Variants in PPP4R2 observed in about 807,000 individuals in gnomAD.
PPP4R2 encodes protein phosphatase 4 regulatory subunit 2, also known as serine/threonine-protein phosphatase 4 regulatory subunit 2.
A neutral mutation model predicts 47.2 loss-of-function variants in PPP4R2; 13 were observed. That is an observed-to-expected ratio of 0.28 (90% CI 0.18 to 0.44). The LOEUF (loss-of-function observed/expected upper bound fraction) is 0.44. Ranked by LOEUF, PPP4R2 falls within the 20% of genes least tolerant of loss-of-function variation. The pLI, the probability that PPP4R2 is intolerant of heterozygous loss-of-function variation, is 1.00. For missense variants in PPP4R2, 421 were observed against 491.2 expected, an observed-to-expected ratio of 0.86 and a Z score of 1.35; for synonymous variants, 151 against 163.3, an observed-to-expected ratio of 0.92 and a Z score of 0.57.
intron 2 of PPP4R2, among the ~76,000 whole-genome samples, chr3:73,021,389 A>T (rs1461574844): frequency 6.6e-6 from 1 of 151,932 alleles, no homozygotes; most frequent in Non-Finnish European, 1.5e-5. Context: ...TTGCAACACC[A>T]TGCCTGGCTA....
At chr3:73,020,681 A>AAAAT (rs1701941893) in intron 2 of PPP4R2, among the ~76,000 whole-genome samples, 1 of 151,704 alleles carries the variant, frequency 6.6e-6, no homozygotes, top group Non-Finnish European at 1.5e-5. Context: ...TTAAAAAAAA[A>AAAAT]AAAAAAAAAA....
intron 2 of PPP4R2, among the ~76,000 whole-genome samples, chr3:73,037,128 T>TC (rs947009697): frequency 3.9e-5 from 6 of 152,062 alleles, no homozygotes; most frequent in African/African-American, 1.5e-4. Context: ...GGATTTTTTT[T>TC]CCCCCTCCAC....
At chr3:73,064,325 A>AGTCT (rs1702937699) in intron 7 of PPP4R2, among the ~76,000 whole-genome samples, 179 bp downstream of exon 7, 2 of 152,210 alleles carry the variant, frequency 1.3e-5, no homozygotes, top group Non-Finnish European at 1.5e-5. Flanking sequence ...GACATAGACA[A>AGTCT]GACTTAAAAC....
intron 5 of PPP4R2, 79 bp from the exon 6 acceptor site, chr3:73,063,594 A>G: frequency 1.2e-6 from 1 of 806,742 alleles, no homozygotes; most frequent in Non-Finnish European, 2.1e-6. Flanking sequence ...ACTGCACTCC[A>G]TTCCACCTTG....
At chr3:73,063,630 A>G in intron 5 of PPP4R2, 43 bp from the exon 6 acceptor site, 1 of 1,241,946 alleles carries the variant, frequency 8.1e-7, no homozygotes. Context: ...CTCCATCTAA[A>G]AAAAAATTAA....
intron 2 of PPP4R2, among the ~76,000 whole-genome samples, chr3:73,032,494 G>A (rs941857762): frequency 3.3e-5 from 5 of 151,928 alleles, no homozygotes; most frequent in South Asian, 2.1e-4. Context: ...TTACCATGTT[G>A]GCCAGGATGG....
chr3:73,045,867 A>G (rs1324774559), intron 2 of PPP4R2, among the ~76,000 whole-genome samples: 1 of 152,120 alleles, frequency 6.6e-6, no homozygotes, highest in African/African-American at 2.4e-5. Flanking sequence ...ATGCTGTTCT[A>G]TGAAAAATAG....
chr3:73,063,920 C>G, intron 6 of PPP4R2, 83 bp from the exon 7 acceptor site: 2 of 1,287,418 alleles, frequency 1.6e-6, no homozygotes, highest in South Asian at 2.7e-5. Context: ...GCAAATACTT[C>G]TGTGATGTAT....
At chr3:73,005,792 G>A (rs567486945) in intron 2 of PPP4R2, among the ~76,000 whole-genome samples, 2 of 143,528 alleles carry the variant, frequency 1.4e-5, no homozygotes, top group Non-Finnish European at 3.0e-5. Context: ...AGCTCACGTC[G>A]TTGCACTCCA....
rs1159279413 is a variant in PPP4R2, at chr3:73,065,881, G to C, written c.*159G>C. The C allele has an allele frequency of 4.1e-6, 2 of 492,778 alleles. No individual in the cohort carries two copies. Among genetic ancestry groups the C allele is most frequent in the South Asian group, 4.0e-5 (1 of 24,950 alleles). 30.5% of individuals were successfully genotyped at this position (492,778 alleles called of 1,614,324 possible). ...ATTCCTGAAAGAGTTGTACATGTAA[G>C]AACTGTGAATATCAGCTCCTCTGGG... On this transcript the variant is annotated 3_prime_UTR_variant, in exon 9 of 9. Coordinates refer to ENST00000356692, the MANE Select transcript of PPP4R2 (RefSeq NM_174907.4).
chr3:73,068,029 ACTT>A lies in PPP4R2; in HGVS notation c.*2310_*2312del, dbSNP rs1703036177. 6.6e-6 allele frequency: 1 copy of A among 152,154 alleles called. No homozygotes were observed. Among genetic ancestry groups the A allele is most frequent in the Non-Finnish European group, 1.5e-5 (1 of 68,010 alleles). 9.4% of individuals were successfully genotyped at this position (152,154 alleles called of 1,614,324 possible). On this transcript the variant is annotated 3_prime_UTR_variant, in exon 9 of 9. Transcript: ENST00000356692. ...GGAATATCTTTAGGGTAGGTGGAAT[ACTT>A]CTGTAGTTAAATTGGGAAACCTTGT...
intron 2 of PPP4R2, among the ~76,000 whole-genome samples, chr3:73,045,246 TC>T (rs1240540555): frequency 2.2e-4 from 34 of 152,132 alleles, no homozygotes; most frequent in African/African-American, 7.7e-4. Context: ...CAAGTGATCT[TC>T]CTGTCTCGGC....
intron 2 of PPP4R2, 98 bp from the exon 3 acceptor site, chr3:73,047,088 G>A (rs946815815): frequency 3.1e-6 from 2 of 647,390 alleles, no homozygotes; most frequent in African/African-American, 3.7e-5. Flanking sequence ...TCTTAATTTT[G>A]TTAGTATTAG....
intron 3 of PPP4R2, among the ~76,000 whole-genome samples, chr3:73,050,165 A>G (rs1031733575): frequency 2.0e-5 from 3 of 152,052 alleles, no homozygotes; most frequent in African/African-American, 7.2e-5. Context: ...GGGTTTTACC[A>G]TGTTGGCCAG....
chr3:73,062,125 G>A, intron 5 of PPP4R2: 3 of 1,549,246 alleles, frequency 1.9e-6, no homozygotes, highest in Non-Finnish European at 1.7e-6. Context: ...AATTCTCACA[G>A]TCTTTTTGTT....
chr3:73,059,197 TTGAG>T, intron 4 of PPP4R2, 67 bp downstream of exon 4: 1 of 780,238 alleles, frequency 1.3e-6, no homozygotes, highest in Non-Finnish European at 2.1e-6. Context: ...GAAAAGAACA[TTGAG>T]TAAGATCTGT....
chr3:73,003,406 T>C (rs557950893), intron 2 of PPP4R2, among the ~76,000 whole-genome samples: 1 of 152,098 alleles, frequency 6.6e-6, no homozygotes, highest in East Asian at 1.9e-4. Context: ...AGAGACGGGG[T>C]TTCGCTGTGT....
chr3:73,047,138 A>G, intron 2 of PPP4R2, 48 bp from the exon 3 acceptor site: 2 of 1,080,872 alleles, frequency 1.9e-6, no homozygotes, highest in South Asian at 3.2e-5. Context: ...GTGTTCAAGA[A>G]TTGTGAAGCT....
intron 2 of PPP4R2, among the ~76,000 whole-genome samples, chr3:73,000,998 C>G (rs1378640105): frequency 6.6e-6 from 1 of 152,118 alleles, no homozygotes; most frequent in African/African-American, 2.4e-5. Flanking sequence ...GCTCCAGAGT[C>G]CTTTTGACGT....
Sources: gnomAD v4.1 joint callset for allele counts (sites outside exome capture counted in the v4.1 genomes callset) on GRCh38, gnomAD v4.1.1 for gene constraint, MANE v1.5 for transcripts, NCBI Gene and HGNC (gene_info 2026-07-23, HGNC 2026-07-21) for gene names.